The following PCDHA5 variants were observed in gnomAD, a reference collection of about 807,000 sequenced individuals.
PCDHA5 encodes protocadherin alpha 5.
In PCDHA5, 43 loss-of-function variants were observed where a neutral mutation model predicts 61.6. That is an observed-to-expected ratio of 0.70 (90% CI 0.55 to 0.90). PCDHA5 has a LOEUF of 0.90. PCDHA5 is among the 40% of genes least tolerant of loss of function. The pLI, the probability that PCDHA5 is intolerant of heterozygous loss-of-function variation, is 0.00. For synonymous variants in PCDHA5, 627 were observed against 543.9 expected (o/e 1.15, Z -2.13); for missense variants, 1,298 against 1,222.7 (o/e 1.06, Z -0.92).
At position 141,009,998 on chromosome 5, in the gene PCDHA5, T is replaced by C. The variant is rs1046818514; in HGVS notation, c.*61T>C. 6 of 1,575,876 alleles carry C rather than the reference T, an allele frequency of 3.8e-6. No individual in the cohort carries two copies. The African/African-American group carries it at 5.5e-5, about 14-fold the overall frequency. ...TTGTAATAATGGCAAATCTCTCCCA[T>C]GTAGCAATTCCCTGCTCCTTTTTCC... is the stretch of plus-strand genomic sequence containing the variant. On this transcript the variant is annotated 3_prime_UTR_variant, in exon 4 of 4. Transcript: ENST00000529859.
chr5:140,839,021 A>G (rs1403087386), intron 1 of PCDHA5, among the ~76,000 whole-genome samples: 1 of 152,058 alleles, frequency 6.6e-6, no homozygotes, highest in East Asian at 1.9e-4. Flanking sequence ...TTATTTTAGG[A>G]TATGTTACTG....
At chr5:140,867,314 G>A (rs2049881742) in intron 1 of PCDHA5, 1 of 151,958 alleles carries the variant, frequency 6.6e-6, no homozygotes, top group Admixed American at 6.6e-5. Flanking sequence ...ACTGTCATCT[G>A]GTCTAATGTT....
At chr5:140,852,355 G>A in intron 1 of PCDHA5, 1 of 208,524 alleles carries the variant, frequency 4.8e-6, no homozygotes, top group Non-Finnish European at 9.3e-6. Context: ...TTGGCTCACT[G>A]CAACGTCTGC....
chr5:140,886,539 T>C (rs1463145945), intron 1 of PCDHA5, among the ~76,000 whole-genome samples: 6 of 152,154 alleles, frequency 3.9e-5, no homozygotes, highest in African/African-American at 1.4e-4. Context: ...GTTAGAAAGG[T>C]CTTCCCAGCT....
intron 1 of PCDHA5, chr5:140,852,935 G>A: frequency 1.6e-6 from 1 of 611,692 alleles, no homozygotes; most frequent in Non-Finnish European, 2.1e-6. Flanking sequence ...CTGGAGTGCA[G>A]TGGTGCCATC....
intron 1 of PCDHA5, chr5:140,842,386 A>G (rs1554138984): frequency 1.2e-6 from 2 of 1,611,028 alleles, no homozygotes; most frequent in Non-Finnish European, 1.7e-6. Flanking sequence ...TGACTTCCTT[A>G]TCCTTGCCTG....
intron 1 of PCDHA5, among the ~76,000 whole-genome samples, chr5:140,933,053 G>C (rs2088831256): frequency 6.6e-6 from 1 of 151,948 alleles, no homozygotes; most frequent in Non-Finnish European, 1.5e-5. Flanking sequence ...TTACAGTCCA[G>C]GATCCTGACT....
chr5:140,884,054 G>C (rs1313975286), intron 1 of PCDHA5: 8 of 1,613,390 alleles, frequency 5.0e-6, no homozygotes, highest in Non-Finnish European at 4.2e-6. Context: ...GAAGGTGCGC[G>C]CGGTGGACGC....
chr5:140,946,980 T>G (rs757011315), intron 1 of PCDHA5, among the ~76,000 whole-genome samples: 4 of 151,702 alleles, frequency 2.6e-5, no homozygotes, highest in Non-Finnish European at 5.9e-5. Context: ...AATAGAGGAT[T>G]TTGAGTGTTC....
chr5:140,846,373 CTTT>C (rs374699051), intron 1 of PCDHA5, among the ~76,000 whole-genome samples: 4 of 55,148 alleles, frequency 7.3e-5, no homozygotes, highest in Middle Eastern at 0.012. Flanking sequence ...TTCTTTCTTT[CTTT>C]TTTTTTTTTT....
At chr5:140,834,123 C>T in intron 1 of PCDHA5, 1 of 438,322 alleles carries the variant, frequency 2.3e-6, no homozygotes, top group Non-Finnish European at 4.0e-6. Flanking sequence ...TGAAATAAAA[C>T]TTTTCATCTG....
intron 1 of PCDHA5, among the ~76,000 whole-genome samples, chr5:140,922,616 A>G (rs2080916487): frequency 6.6e-6 from 1 of 152,242 alleles, no homozygotes; most frequent in African/African-American, 2.4e-5. Context: ...TATTAAAACT[A>G]TGGTACACAT....
At chr5:140,855,994 G>T in intron 1 of PCDHA5, 2 of 1,498,182 alleles carry the variant, frequency 1.3e-6, no homozygotes, top group South Asian at 1.3e-5. Flanking sequence ...ATGTCAGATC[G>T]TATGTGCGTT....
rs1554204719 is a variant in PCDHA5, at chr5:140,927,550, A to G, written c.2353-51399A>G. 4.3e-6 allele frequency: 7 copies of G among 1,614,020 alleles called. No homozygotes were observed. In the Admixed American group the frequency reaches 8.3e-5, roughly 19 times the overall value. ...TGCCCGCTCAGGAGACGCACAAGTC[A>G]CCATCATTGTGGTGGACACAAATGA... On this transcript the variant is annotated intron_variant, in intron 1 of 3. Coordinates refer to ENST00000529859, the MANE Select transcript of PCDHA5 (RefSeq NM_018908.3).
chr5:140,821,716 A>G lies in PCDHA5; in HGVS notation c.-60A>G. 6.7e-7 allele frequency: 1 copy of G among 1,489,172 alleles called. No homozygotes were observed. Among genetic ancestry groups the G allele is most frequent in the South Asian group, 1.3e-5 (1 of 74,982 alleles). 92.2% of individuals were successfully genotyped at this position (1,489,172 alleles called of 1,614,324 possible). ...AAATATATAGTTAATTGGGAATTGA[A>G]TTTACAAAATACATTGTGTGGTGAT... On this transcript the variant is annotated 5_prime_UTR_variant, in exon 1 of 4. Coordinates refer to ENST00000529859, the MANE Select transcript of PCDHA5 (RefSeq NM_018908.3).
At chr5:140,884,281 G>C in intron 1 of PCDHA5, 4 of 1,613,614 alleles carry the variant, frequency 2.5e-6, no homozygotes, top group Non-Finnish European at 3.4e-6. Flanking sequence ...CGCTGGTGGA[G>C]AGCGGCCAAG....
At position 140,857,333 on chromosome 5, in the gene PCDHA5, G is replaced by C. The variant is rs200210897; in HGVS notation, c.2352+33206G>C. On this transcript the variant is annotated intron_variant, in intron 1 of 3. Coordinates refer to ENST00000529859, the MANE Select transcript of PCDHA5 (RefSeq NM_018908.3). Reference sequence around the variant, plus strand: ...TGAGCTGGTGGTGACCGCGCGGGACGGGGGCTCGCCTCCGCTGTGGGCCAC... The same window carrying C: ...TGAGCTGGTGGTGACCGCGCGGGACCGGGGCTCGCCTCCGCTGTGGGCCAC... 1.4e-4 allele frequency: 230 copies of C among 1,598,472 alleles called. 32 individuals are homozygous for C. The highest frequency in any genetic ancestry group is 1.8e-4 in the Non-Finnish European group (207 of 1,167,970).
intron 3 of PCDHA5, among the ~76,000 whole-genome samples, chr5:140,989,551 C>A (rs964653534): frequency 1.3e-5 from 2 of 152,178 alleles, no homozygotes; most frequent in Non-Finnish European, 2.9e-5. Context: ...AATTCCTTTA[C>A]GTTTTGTGGC....
At chr5:140,983,104 T>C (rs907787884) in intron 3 of PCDHA5, among the ~76,000 whole-genome samples, 3 of 152,234 alleles carry the variant, frequency 2.0e-5, no homozygotes, top group Admixed American at 1.3e-4. Flanking sequence ...TGCTTCTCTC[T>C]GCACATCAAC....
Sources: allele counts gnomAD v4.1 joint callset (sites outside exome capture counted in the v4.1 genomes callset), GRCh38; gene constraint gnomAD v4.1.1; transcripts MANE v1.5; gene names NCBI Gene and HGNC (gene_info 2026-07-23, HGNC 2026-07-21).